The following CCDC180 variants were observed in gnomAD, a reference collection of about 807,000 sequenced individuals.
CCDC180 encodes the protein coiled-coil domain-containing protein 180.
Under a neutral mutation model 209.2 loss-of-function variants are expected in CCDC180, and 154 were observed. That is an observed-to-expected ratio of 0.74 (90% CI 0.65 to 0.84). The LOEUF (loss-of-function observed/expected upper bound fraction) is 0.84, where lower values mean the gene tolerates loss of function less well. Ranked by LOEUF, CCDC180 falls within the 40% of genes least tolerant of loss-of-function variation. The pLI, the probability that CCDC180 is intolerant of heterozygous loss-of-function variation, is 0.00. For synonymous variants in CCDC180, 778 were observed against 749.1 expected (o/e 1.04, Z -0.63); for missense variants, 1,874 against 1,997.3 (o/e 0.94, Z 1.18).
At position 97,369,947 on chromosome 9, in the gene CCDC180, T is replaced by C; in HGVS notation, c.4215T>C (p.Phe1405=). The C allele has an allele frequency of 6.2e-7, 1 of 1,614,194 alleles. No individual in the cohort carries two copies. Among genetic ancestry groups the C allele is most frequent in the Non-Finnish European group, 8.5e-7 (1 of 1,180,052 alleles). The change falls in exon 32 of 37, where the codon TTT becomes TTC. Residue 1405 remains phenylalanine, a synonymous_variant. Transcript: ENST00000529487. The stretch of plus-strand genomic sequence containing the variant: ...AATTACGGATCCAGATCAGGAGATT[T>C]GAGGAGCTGCTGCCCCAAGTGTGTT... ...LIELRIQIRR[F]EELLPQVCWL... is the part of the protein sequence containing the mutation.
intron 36 of CCDC180, 118 bp downstream of exon 36, chr9:97,375,707 T>G (rs1827237133): frequency 8.1e-7 from 1 of 1,233,266 alleles, no homozygotes; most frequent in Admixed American, 2.0e-5. Context: ...AGGCAACACA[T>G]GTCAGCACAC....
intron 28 of CCDC180, 125 bp downstream of exon 28, chr9:97,362,566 T>A: frequency 7.2e-7 from 1 of 1,385,570 alleles, no homozygotes; most frequent in Non-Finnish European, 9.7e-7. Flanking sequence ...GCTCTGGGAC[T>A]CCACGGGGCG....
At chr9:97,374,509 A>G in intron 34 of CCDC180, 34 bp from the exon 35 acceptor site, 1 of 1,529,086 alleles carries the variant, frequency 6.5e-7, no homozygotes, top group South Asian at 1.1e-5. Flanking sequence ...GCTGTCGGTG[A>G]GGCTGCAGTC....
At chr9:97,359,797 G>A (rs1826696917) in intron 25 of CCDC180, among the ~76,000 whole-genome samples, 185 bp from the exon 26 acceptor site, 1 of 152,040 alleles carries the variant, frequency 6.6e-6, no homozygotes, top group Non-Finnish European at 1.5e-5. Flanking sequence ...GTGAAGTGAA[G>A]GCTGCCTAGC....
At chr9:97,336,401 A>T (rs1393901732) in intron 18 of CCDC180, among the ~76,000 whole-genome samples, 3 of 152,218 alleles carry the variant, frequency 2.0e-5, no homozygotes, top group Non-Finnish European at 4.4e-5. Flanking sequence ...TTTTCCCAGC[A>T]TCATTTACTG....
chr9:97,338,527 C>A (rs924114406), intron 18 of CCDC180, among the ~76,000 whole-genome samples: 1 of 152,144 alleles, frequency 6.6e-6, no homozygotes, highest in Admixed American at 6.5e-5. Flanking sequence ...GTCTGAGAGA[C>A]AGTTTGTTGT....
At chr9:97,360,897 C>G (rs946325538) in intron 26 of CCDC180, among the ~76,000 whole-genome samples, 1 of 152,322 alleles carries the variant, frequency 6.6e-6, no homozygotes, top group East Asian at 1.9e-4. Flanking sequence ...GGCCTGACAG[C>G]CAATGTCTGC....
At chr9:97,358,983 G>A (rs1046851240) in intron 25 of CCDC180, among the ~76,000 whole-genome samples, 17 of 152,112 alleles carry the variant, frequency 1.1e-4, no homozygotes, top group African/African-American at 3.9e-4. Flanking sequence ...AGCATAGTTT[G>A]CAGAATAAAT....
intron 34 of CCDC180, chr9:97,373,380 T>TA (rs1827155731): frequency 6.6e-6 from 1 of 152,206 alleles, no homozygotes; most frequent in Admixed American, 6.5e-5. Flanking sequence ...AAAATCAGTA[T>TA]AAACCAAGAA....
At chr9:97,351,559 A>T (rs1340792168) in intron 22 of CCDC180, among the ~76,000 whole-genome samples, 2 of 152,200 alleles carry the variant, frequency 1.3e-5, no homozygotes, top group Non-Finnish European at 2.9e-5. Flanking sequence ...ATGCTATTTT[A>T]AAAATCACAA....
chr9:97,359,962 T>C lies in CCDC180; in HGVS notation c.3364-20T>C, dbSNP rs759953702. 1.2e-6 allele frequency: 2 copies of C among 1,612,644 alleles called. No homozygotes were observed. Among genetic ancestry groups the C allele is most frequent in the African/African-American group, 2.7e-5 (2 of 74,876 alleles). ...TGCAGTCTGCTTCCTTGGGGCTTTC[T>C]TCCTCCCTTTTCTCACCAGACAGTG... On this transcript the variant is annotated intron_variant, in intron 25 of 36. Transcript: ENST00000529487.
At chr9:97,312,012 AC>A in intron 3 of CCDC180, 100 bp from the exon 4 acceptor site, 1 of 967,120 alleles carries the variant, frequency 1.0e-6, no homozygotes, top group Non-Finnish European at 1.6e-6. Context: ...GCTGCTGCCC[AC>A]AGTCCCTCTG....
chr9:97,354,444 T>C, intron 22 of CCDC180, 125 bp from the exon 23 acceptor site: 2 of 940,058 alleles, frequency 2.1e-6, no homozygotes. Context: ...TCTGTGTTCA[T>C]TTTCCCACAT....
intron 22 of CCDC180, among the ~76,000 whole-genome samples, chr9:97,352,740 T>C (rs1347441170): frequency 1.3e-5 from 2 of 152,162 alleles, no homozygotes; most frequent in East Asian, 3.9e-4. Flanking sequence ...AAACTAGAAC[T>C]ATAATTTGAC....
intron 28 of CCDC180, chr9:97,363,661 T>C (rs1469847067): frequency 1.9e-6 from 1 of 516,448 alleles, no homozygotes; most frequent in South Asian, 1.5e-5. Flanking sequence ...GGTGTTTATA[T>C]GAAATTCAAG....
At chr9:97,365,555 A>G (rs1374545202) in intron 29 of CCDC180, 118 bp from the exon 30 acceptor site, 1 of 841,542 alleles carries the variant, frequency 1.2e-6, no homozygotes, top group African/African-American at 1.7e-5. Context: ...AGCAGTGAGT[A>G]ATTTCAAGGA....
chr9:97,367,444 C>T (rs916523486), intron 31 of CCDC180, among the ~76,000 whole-genome samples: 2 of 151,542 alleles, frequency 1.3e-5, no homozygotes, highest in Non-Finnish European at 2.9e-5. Context: ...AATGATCTCA[C>T]CTCTCTGAGC....
chr9:97,333,693 C>G (rs574595312), intron 18 of CCDC180, among the ~76,000 whole-genome samples: 21 of 151,674 alleles, frequency 1.4e-4, no homozygotes, highest in African/African-American at 5.1e-4. Context: ...TCATAGTAGT[C>G]TGATGGCTGT....
intron 24 of CCDC180, 27 bp downstream of exon 24, chr9:97,355,035 G>T: frequency 6.8e-7 from 1 of 1,467,826 alleles, no homozygotes; most frequent in South Asian, 1.1e-5. Context: ...CTTCATCAAG[G>T]ATCTTTATCA....
Sources: allele counts gnomAD v4.1 joint callset (sites outside exome capture counted in the v4.1 genomes callset), GRCh38; gene constraint gnomAD v4.1.1; transcripts MANE v1.5; gene names NCBI Gene and HGNC (gene_info 2026-07-23, HGNC 2026-07-21).